COTL1: variants seen among roughly 807,000 people sequenced by gnomAD.
COTL1 encodes the protein coactosin like F-actin binding protein 1, also known as coactosin-like protein.
In COTL1, 15 loss-of-function variants were observed where a neutral mutation model predicts 16.5. The observed-to-expected ratio is 0.91, with a 90% CI of 0.61 to 1.40. The LOEUF is 1.40. COTL1 is among the 40% of genes most tolerant of loss of function. The pLI is 0.00. For missense variants in COTL1, 220 were observed against 201.5 expected, an observed-to-expected ratio of 1.09 and a Z score of -0.56; for synonymous variants, 112 against 85.3, an observed-to-expected ratio of 1.31 and a Z score of -1.73.
At chr16:84,603,647 C>A (rs569593754) in intron 2 of COTL1, among the ~76,000 whole-genome samples, 1 of 152,194 alleles carries the variant, frequency 6.6e-6, no homozygotes, top group Non-Finnish European at 1.5e-5. Context: ...TGGCAACAGA[C>A]TATGAAGCGA....
At chr16:84,579,117 A>T (rs1420527550) in intron 3 of COTL1, among the ~76,000 whole-genome samples, 1 of 152,260 alleles carries the variant, frequency 6.6e-6, no homozygotes, top group Non-Finnish European at 1.5e-5. Flanking sequence ...ACCACCATAC[A>T]GAGGTGTGCA....
intron 2 of COTL1, among the ~76,000 whole-genome samples, chr16:84,593,404 C>G (rs528054186): frequency 2.0e-5 from 3 of 152,196 alleles, no homozygotes; most frequent in African/African-American, 4.8e-5. Flanking sequence ...TCCCATGCCC[C>G]GGGGACTGTG....
intron 2 of COTL1, among the ~76,000 whole-genome samples, chr16:84,612,650 G>A (rs1008338135): frequency 7.2e-5 from 11 of 152,118 alleles, no homozygotes; most frequent in Non-Finnish European, 1.3e-4. Flanking sequence ...GTGTGTGGTG[G>A]CACATGCCTG....
intron 2 of COTL1, among the ~76,000 whole-genome samples, chr16:84,611,982 C>T (rs16974277): frequency 6.6e-6 from 1 of 151,980 alleles, no homozygotes; most frequent in African/African-American, 2.4e-5. Context: ...CCCAGTGGCT[C>T]TGTCAGGTGA....
At chr16:84,602,907 C>T (rs966974913) in intron 2 of COTL1, among the ~76,000 whole-genome samples, 2 of 152,064 alleles carry the variant, frequency 1.3e-5, no homozygotes, top group African/African-American at 4.8e-5. Flanking sequence ...TTGCTGGAGT[C>T]AGCGATGCCA....
At chr16:84,575,467 C>T (rs565906368) in intron 3 of COTL1, 2 of 152,346 alleles carry the variant, frequency 1.3e-5, no homozygotes, top group East Asian at 3.9e-4. Flanking sequence ...AAGCAATTCT[C>T]CTGCCTCAGC....
intron 2 of COTL1, among the ~76,000 whole-genome samples, chr16:84,613,184 G>C (rs889388606): frequency 6.6e-6 from 1 of 151,998 alleles, no homozygotes; most frequent in Non-Finnish European, 1.5e-5. Flanking sequence ...ATTTTTAGTA[G>C]AGACAGGGTT....
At chr16:84,574,271 C>T (rs1214614041) in intron 3 of COTL1, among the ~76,000 whole-genome samples, 1 of 152,224 alleles carries the variant, frequency 6.6e-6, no homozygotes. Flanking sequence ...GTGCCAGCCC[C>T]ACTTTCTCCC....
intron 3 of COTL1, among the ~76,000 whole-genome samples, chr16:84,587,771 ATTAT>A (rs112094914): frequency 1.5e-4 from 22 of 151,464 alleles, no homozygotes; most frequent in African/African-American, 4.6e-4. Context: ...ATGTCCTATC[ATTAT>A]TTATTTATTT....
chr16:84,578,960 T>G (rs995986130), intron 3 of COTL1, among the ~76,000 whole-genome samples: 1 of 151,324 alleles, frequency 6.6e-6, no homozygotes, highest in African/African-American at 2.4e-5. Flanking sequence ...CACACAGGTA[T>G]GCACACACAT....
At chr16:84,610,762 G>A (rs1349684600) in intron 2 of COTL1, among the ~76,000 whole-genome samples, 1 of 152,046 alleles carries the variant, frequency 6.6e-6, no homozygotes, top group African/African-American at 2.4e-5. Flanking sequence ...ATCTCTCTCT[G>A]TGGTGTTTTG....
intron 2 of COTL1, among the ~76,000 whole-genome samples, chr16:84,598,843 G>A (rs1156235205): frequency 6.6e-6 from 1 of 150,572 alleles, no homozygotes; most frequent in East Asian, 2.0e-4. Flanking sequence ...GCAAGCAGGG[G>A]GGGTCCAAGC....
At chr16:84,593,627 T>C (rs1904925923) in intron 2 of COTL1, among the ~76,000 whole-genome samples, 1 of 151,846 alleles carries the variant, frequency 6.6e-6, no homozygotes, top group Admixed American at 6.6e-5. Flanking sequence ...TTCTCCTGCC[T>C]CAGCCCCCCG....
In COTL1 at chr16:84,579,887, A is replaced by G. The variant is rs563666792; in HGVS notation, c.318+10218T>C. The stretch of plus-strand genomic sequence containing the variant: ...GAGTGCAGTGAGCCTTCGGCCTTTC[A>G]TGAAGGCTGGGAAACATGCACTTCA... On this transcript the variant is annotated intron_variant, in intron 3 of 3. Transcript: ENST00000262428. 2.6e-5 allele frequency among the ~76,000 whole-genome samples: 4 copies of G among 152,374 alleles called. No individual in the cohort carries two copies. In the East Asian group the frequency reaches 5.8e-4, roughly 22 times the overall value.
chr16:84,577,321 T>C (rs568715379), intron 3 of COTL1, among the ~76,000 whole-genome samples: 2 of 152,336 alleles, frequency 1.3e-5, no homozygotes, highest in South Asian at 2.1e-4. Context: ...CTCGGCTCAC[T>C]GCAACCTCCA....
chr16:84,617,171 G>C lies in COTL1; in HGVS notation c.160+330C>G, dbSNP rs892609082. Reference sequence around the variant, plus strand: ...GCTCAGTGACTGATCAAAGGGGACAGTGGGAAGAGCTGGATGGACACTGGA... The same window carrying C: ...GCTCAGTGACTGATCAAAGGGGACACTGGGAAGAGCTGGATGGACACTGGA... On this transcript the variant is annotated intron_variant, in intron 2 of 3. Coordinates refer to ENST00000262428, the MANE Select transcript of COTL1 (RefSeq NM_021149.5). Among the ~76,000 whole-genome samples the C allele has an allele frequency of 1.0e-4, 10 of 96,518 alleles. No individual in the cohort carries two copies. In the South Asian group the frequency reaches 2.6e-3, roughly 25 times the overall value. The allele number at this position is 96,518 out of a possible 152,430, so 63.3% of individuals were successfully genotyped here.
chr16:84,617,980 TGGGAGCGCGGCGGGTACGCGCCGA>T lies in COTL1; in HGVS notation c.-90_-67del. ...GCGCGCCCCTGGCCGGCGGCGGGGATGGGAGCGCGGCGGGTACGCGCCGAGGGCGCACGGGCTGGCGGCGGTGGC... is the reference window on the plus strand; with the variant it reads ...GCGCGCCCCTGGCCGGCGGCGGGGATGGGCGCACGGGCTGGCGGCGGTGGC... On this transcript the variant is annotated 5_prime_UTR_variant, in exon 1 of 4. Coordinates refer to ENST00000262428, the MANE Select transcript of COTL1 (RefSeq NM_021149.5). 4.1e-6 allele frequency: 5 copies of T among 1,228,454 alleles called. No individual in the cohort carries two copies. Among genetic ancestry groups the T allele is most frequent in the Non-Finnish European group, 5.3e-6 (5 of 940,554 alleles). 76.1% of individuals were successfully genotyped at this position (1,228,454 alleles called of 1,614,324 possible). A position where few individuals can be genotyped will look rare whatever the true frequency, so the allele number is the denominator to read the frequency against.
chr16:84,586,141 G>T (rs112295591), intron 3 of COTL1, among the ~76,000 whole-genome samples: 2,051 of 152,280 alleles, frequency 0.013, 42 homozygotes, highest in African/African-American at 0.046. Context: ...CGTTTCTTTG[G>T]CTGTGCAGAG....
In COTL1 at chr16:84,606,451, G is replaced by A. The variant is rs148465625; in HGVS notation, c.160+11050C>T. On this transcript the variant is annotated intron_variant, in intron 2 of 3. Transcript: ENST00000262428. ...TTCCCAGCGCTGCCAATACTGCAGA[G>A]AACAAAGCTGACCTGGTTGCCCCAC... 2.6e-5 allele frequency among the ~76,000 whole-genome samples: 4 copies of A among 152,390 alleles called. No individual in the cohort carries two copies. In the South Asian group the frequency reaches 8.3e-4, roughly 32 times the overall value.
Sources: gnomAD v4.1 joint callset for allele counts (sites outside exome capture counted in the v4.1 genomes callset) on GRCh38, gnomAD v4.1.1 for gene constraint, MANE v1.5 for transcripts, NCBI Gene and HGNC (gene_info 2026-07-23, HGNC 2026-07-21) for gene names.